EFNB1: variants seen among roughly 807,000 people sequenced by gnomAD.
EFNB1 encodes ephrin-B1.
EFNB1 carries 1 observed loss-of-function variant against 18.1 expected under a neutral mutation model. That is an observed-to-expected ratio of 0.06 (90% CI 0.02 to 0.26). The LOEUF is 0.26. Ranked by LOEUF, EFNB1 falls within the 10% of genes least tolerant of loss-of-function variation. The probability of loss-of-function intolerance (pLI) is 1.00; values close to 1 mark genes in which losing one functional copy is unlikely to be tolerated. For synonymous variants in EFNB1, 131 were observed against 127.5 expected (o/e 1.03, Z -0.19); for missense variants, 221 against 301.8 (o/e 0.73, Z 1.98).
chrX:68,829,910 T>A lies in EFNB1; in HGVS notation c.128+6T>A. 8.6e-7 allele frequency: 1 copy of A among 1,167,159 alleles called. No individual in the cohort carries two copies. ...TGGAGCTCCCTCAACCCCAAGTGAGTAACTTATCTCCTCTGGACGCTGGGG... is the reference window on the plus strand; with the variant it reads ...TGGAGCTCCCTCAACCCCAAGTGAGAAACTTATCTCCTCTGGACGCTGGGG... On this transcript the variant is annotated splice_donor_region_variant and intron_variant, in intron 1 of 4. Coordinates refer to ENST00000204961, the MANE Select transcript of EFNB1 (RefSeq NM_004429.5).
intron 1 of EFNB1, among the ~76,000 whole-genome samples, chrX:68,833,024 C>G (rs1458495952): frequency 9.1e-6 from 1 of 110,194 alleles, no homozygotes; most frequent in African/African-American, 3.3e-5. Flanking sequence ...CCCCCACCTC[C>G]AGGGAGTCAG....
Position 68,839,681 on chromosome X carries a change from C to T in EFNB1, c.424C>T (p.Leu142=). 4 of 1,211,208 alleles carry T rather than the reference C, an allele frequency of 3.3e-6. No homozygotes were observed. Among genetic ancestry groups the T allele is most frequent in the Non-Finnish European group, 4.5e-6 (4 of 895,267 alleles). The change falls in exon 3 of 5, where the codon CTG becomes TTG. Residue 142 remains leucine, a synonymous_variant. Coordinates refer to ENST00000204961, the MANE Select transcript of EFNB1 (RefSeq NM_004429.5). Reference sequence around the variant, plus strand: ...TCCTGCAGCAACATCCAATGGAAGCCTGGAGGGGCTGGAAAACCGGGAGGG... The same window carrying T: ...TCCTGCAGCAACATCCAATGGAAGCTTGGAGGGGCTGGAAAACCGGGAGGG... ...YYITSTSNGS[L]EGLENREGGV... is the part of the protein sequence containing the mutation.
Position 68,829,382 on chromosome X carries a change from C to A in EFNB1, c.-395C>A, listed in dbSNP as rs2080437452. The A allele has an allele frequency of 9.4e-6, 2 of 211,920 alleles. No individual in the cohort carries two copies. The highest frequency in any genetic ancestry group is 1.7e-5 in the Non-Finnish European group (2 of 117,003). 17.5% of individuals were successfully genotyped at this position (211,920 alleles called of 1,213,427 possible). The stretch of plus-strand genomic sequence containing the variant: ...GACAGCGATCCCGGGACGGTCGAGG[C>A]GTCGGGGCGGTCACCGAGACCTCTG... On this transcript the variant is annotated 5_prime_UTR_variant, in exon 1 of 5. Coordinates refer to ENST00000204961, the MANE Select transcript of EFNB1 (RefSeq NM_004429.5).
At chrX:68,837,396 T>TGGAAGTAGA (rs2080463375) in intron 1 of EFNB1, among the ~76,000 whole-genome samples, 1 of 111,924 alleles carries the variant, frequency 8.9e-6, no homozygotes, top group African/African-American at 3.3e-5. Flanking sequence ...AGGTAGGGGC[T>TGGAAGTAGA]CTTGCCACCC....
chrX:68,834,176 T>G (rs969327834), intron 1 of EFNB1, among the ~76,000 whole-genome samples: 3 of 112,290 alleles, frequency 2.7e-5, no homozygotes, highest in African/African-American at 9.7e-5. Context: ...TTGACTTTTC[T>G]AGGCCTACCT....
chrX:68,832,614 G>A (rs2080449012), intron 1 of EFNB1, among the ~76,000 whole-genome samples: 1 of 111,743 alleles, frequency 8.9e-6, no homozygotes, highest in Admixed American at 9.4e-5. Flanking sequence ...CCCTGACTGA[G>A]AGGGGAAGCG....
rs773137160 is a variant in EFNB1 at position 68,840,351 on chromosome X, C to T, written c.738C>T (p.Ala246=). 146 of 1,210,144 alleles carry T rather than the reference C, an allele frequency of 1.2e-4. No homozygotes were observed. Among genetic ancestry groups the T allele is most frequent in the Non-Finnish European group, 1.5e-4 (135 of 895,239 alleles). The change falls in exon 5 of 5, where the codon GCC becomes GCT. Residue 246 remains alanine (A), a synonymous_variant. Coordinates refer to ENST00000204961, the MANE Select transcript of EFNB1 (RefSeq NM_004429.5). ...TGGCATTGTTCGCGGCTGTCGGTGC[C>T]GGTTGCGTCATCTTCCTGCTCATCA... ...SKVALFAAVG[A]GCVIFLLIII... is the part of the protein sequence containing the mutation.
intron 1 of EFNB1, among the ~76,000 whole-genome samples, chrX:68,832,277 G>A (rs965200244): frequency 7.2e-5 from 8 of 110,527 alleles, no homozygotes; most frequent in East Asian, 5.7e-4. Context: ...AGCTAGGCTC[G>A]CCTGCTCTGC....
Position 68,840,892 on chromosome X carries a change from G to T in EFNB1, c.*238G>T. 2.3e-6 allele frequency: 1 copy of T among 429,005 alleles called. No homozygotes were observed. The highest frequency in any genetic ancestry group is 4.1e-6 in the Non-Finnish European group (1 of 246,308). 35.4% of individuals were successfully genotyped at this position (429,005 alleles called of 1,213,427 possible). ...CTGGCCAGGCCTCTGGGCTCCGTGG[G>T]GGCGCCCCTTCTTGGAAGGCAGGGC... is the stretch of plus-strand genomic sequence containing the variant. On this transcript the variant is annotated 3_prime_UTR_variant, in exon 5 of 5. Coordinates refer to ENST00000204961, the MANE Select transcript of EFNB1 (RefSeq NM_004429.5).
intron 1 of EFNB1, among the ~76,000 whole-genome samples, chrX:68,832,223 C>T (rs1026593400): frequency 5.4e-5 from 6 of 110,975 alleles, no homozygotes; most frequent in African/African-American, 9.9e-5. Context: ...CGTGTCAGTT[C>T]GCCCTCTCAT....
At chrX:68,838,029 G>A (rs2080464967) in intron 1 of EFNB1, among the ~76,000 whole-genome samples, 1 of 111,797 alleles carries the variant, frequency 8.9e-6, no homozygotes, top group South Asian at 3.8e-4. Flanking sequence ...AAGGATGGGG[G>A]AGAAGACATG....
At chrX:68,838,301 A>T (rs1453799620) in intron 1 of EFNB1, among the ~76,000 whole-genome samples, 1 of 110,490 alleles carries the variant, frequency 9.1e-6, no homozygotes, top group Non-Finnish European at 1.9e-5. Context: ...ACACCTTGGT[A>T]CCCAGCCCAT....
chrX:68,840,738 C>T lies in EFNB1; in HGVS notation c.*84C>T. ...TCGCCCCCACACCCCCTCCCCTTGC[C>T]AGCTGTGCCCACCTTTGTATTTAGT... On this transcript the variant is annotated 3_prime_UTR_variant, in exon 5 of 5. Coordinates refer to ENST00000204961, the MANE Select transcript of EFNB1 (RefSeq NM_004429.5). 2 of 991,221 alleles carry T rather than the reference C, an allele frequency of 2.0e-6. No homozygotes were observed. Among genetic ancestry groups the T allele is most frequent in the Non-Finnish European group, 2.8e-6 (2 of 718,196 alleles). The allele number at this position is 991,221 out of a possible 1,213,427, so 81.7% of individuals were successfully genotyped here. A position where few individuals can be genotyped will look rare whatever the true frequency, so the allele number is the denominator to read the frequency against.
At chrX:68,829,968 C>T (rs2080440149) in intron 1 of EFNB1, 64 bp downstream of exon 1, 1 of 1,150,611 alleles carries the variant, frequency 8.7e-7, no homozygotes, top group Admixed American at 2.6e-5. Context: ...AGGCCGCACG[C>T]CCCGGAGTGC....
chrX:68,839,527 G>A, intron 2 of EFNB1, 137 bp from the exon 3 acceptor site: 1 of 574,830 alleles, frequency 1.7e-6, no homozygotes, highest in Admixed American at 2.7e-5. Context: ...AAGGTTCACT[G>A]GTAGATGGGA....
Position 68,829,815 on chromosome X carries a change from T to C in EFNB1, c.39T>C (p.Leu13=), listed in dbSNP as rs1211360279. The change falls in exon 1 of 5, where the codon CTT becomes CTC. Residue 13 remains leucine (L), a synonymous_variant. Coordinates refer to ENST00000204961, the MANE Select transcript of EFNB1 (RefSeq NM_004429.5). ...GGCAGCGTTGGCTCGGCAAGTGGCT[T>C]GTGGCGATGGTCGTGTGGGCGCTGT... is the stretch of plus-strand genomic sequence containing the variant. ...RPGQRWLGKW[L]VAMVVWALCR... The C allele has an allele frequency of 8.4e-7, 1 of 1,185,270 alleles. No homozygotes were observed. Among genetic ancestry groups the C allele is most frequent in the East Asian group, 3.1e-5 (1 of 32,139 alleles).
chrX:68,831,232 T>C (rs770993653), intron 1 of EFNB1, among the ~76,000 whole-genome samples: 1 of 109,056 alleles, frequency 9.2e-6, no homozygotes, highest in Non-Finnish European at 1.9e-5. Flanking sequence ...CTGCCTACCT[T>C]GGCCTCTTGG....
At chrX:68,830,664 C>T (rs1162799519) in intron 1 of EFNB1, among the ~76,000 whole-genome samples, 1 of 112,237 alleles carries the variant, frequency 8.9e-6, no homozygotes, top group Non-Finnish European at 1.9e-5. Context: ...CCCGCCAGGG[C>T]GGAGAGTGGC....
rs2080474197 is a variant in EFNB1, at chrX:68,840,397, C to A, written c.784C>A (p.Leu262Ile). The change falls in exon 5 of 5, where the codon CTA becomes ATA. Residue 262 changes from leucine to isoleucine, a missense_variant. Transcript: ENST00000204961. Reference protein sequence around the residue: ...LLIIIFLTVLLLKLRKRHRKH... With the variant: ...LLIIIFLTVLILKLRKRHRKH... Reference sequence around the variant, plus strand: ...CATCATCATCTTCCTGACGGTCCTACTACTGAAGCTACGCAAGCGGCACCG... The same window carrying A: ...CATCATCATCTTCCTGACGGTCCTAATACTGAAGCTACGCAAGCGGCACCG... The A allele has an allele frequency of 8.3e-7, 1 of 1,212,020 alleles. No individual in the cohort carries two copies. Among genetic ancestry groups the A allele is most frequent in the Non-Finnish European group, 1.1e-6 (1 of 895,576 alleles).
Sources: allele counts gnomAD v4.1 joint callset (sites outside exome capture counted in the v4.1 genomes callset), GRCh38; gene constraint gnomAD v4.1.1; transcripts MANE v1.5; gene names NCBI Gene and HGNC (gene_info 2026-07-23, HGNC 2026-07-21).